The following RIMS1 variants were observed in gnomAD, a reference collection of about 807,000 sequenced individuals.
RIMS1 encodes regulating synaptic membrane exocytosis 1, also known as regulating synaptic membrane exocytosis protein 1.
A neutral mutation model predicts 214.1 loss-of-function variants in RIMS1; 83 were observed. That is an observed-to-expected ratio of 0.39 (90% CI 0.32 to 0.47). RIMS1 has a LOEUF of 0.47. Among genes scored for constraint, RIMS1 ranks in the 20% least tolerant of loss-of-function variants. RIMS1 has a pLI of 0.99. For missense variants in RIMS1, 2,050 were observed against 2,161.8 expected (o/e 0.95, Z 1.03); for synonymous variants, 793 against 786.8 (o/e 1.01, Z -0.13).
intron 2 of RIMS1, among the ~76,000 whole-genome samples, chr6:71,975,690 C>T (rs1796945477): frequency 6.6e-6 from 1 of 152,092 alleles, no homozygotes; most frequent in Non-Finnish European, 1.5e-5. Context: ...GTTTTCATCA[C>T]CCTGAAAAAG....
intron 29 of RIMS1, among the ~76,000 whole-genome samples, chr6:72,369,561 C>T (rs905240278): frequency 1.3e-5 from 2 of 152,216 alleles, no homozygotes; most frequent in African/African-American, 4.8e-5. Context: ...AGATTTTCTT[C>T]TGTCAGGGAA....
chr6:72,196,260 A>G (rs1382128856), intron 6 of RIMS1, among the ~76,000 whole-genome samples: 1 of 152,000 alleles, frequency 6.6e-6, no homozygotes, highest in African/African-American at 2.4e-5. Flanking sequence ...TTATTTAATA[A>G]ATATCTAAAA....
In RIMS1 at chr6:72,228,093, C is replaced by T. The variant is rs141881031; in HGVS notation, c.1679-5680C>T. On this transcript the variant is annotated intron_variant, in intron 6 of 33. Transcript: ENST00000521978. ...CATAAAACTAGCACCACATTCTGTGCCATAAACATATCCGTCACCTCCAAA... is the reference window on the plus strand; with the variant it reads ...CATAAAACTAGCACCACATTCTGTGTCATAAACATATCCGTCACCTCCAAA... 6.6e-3 allele frequency among the ~76,000 whole-genome samples: 1,003 copies of T among 151,978 alleles called. 9 individuals carry two copies. Among genetic ancestry groups the T allele is most frequent in the African/African-American group, 0.022 (907 of 41,528 alleles).
At chr6:72,003,464 G>C (rs1806072767) in intron 2 of RIMS1, among the ~76,000 whole-genome samples, 2 of 151,904 alleles carry the variant, frequency 1.3e-5, no homozygotes, top group African/African-American at 4.8e-5. Context: ...AATGACAGTT[G>C]AGCCATCTTC....
chr6:72,010,925 T>C (rs1279514903), intron 2 of RIMS1, among the ~76,000 whole-genome samples: 1 of 151,928 alleles, frequency 6.6e-6, no homozygotes, highest in Non-Finnish European at 1.5e-5. Flanking sequence ...ATAGATTCAA[T>C]GCCATCCCCA....
intron 29 of RIMS1, among the ~76,000 whole-genome samples, chr6:72,349,724 T>C (rs2097378837): frequency 6.6e-6 from 1 of 151,996 alleles, no homozygotes; most frequent in Non-Finnish European, 1.5e-5. Flanking sequence ...CAAAACAAAG[T>C]TAATCATCTT....
intron 1 of RIMS1, among the ~76,000 whole-genome samples, chr6:71,896,319 A>G (rs543874496): frequency 9.2e-5 from 14 of 152,320 alleles, no homozygotes; most frequent in African/African-American, 3.4e-4. Flanking sequence ...CACCTAATAT[A>G]TAGCAACCTG....
At chr6:72,213,647 A>G (rs2054392678) in intron 6 of RIMS1, among the ~76,000 whole-genome samples, 1 of 152,174 alleles carries the variant, frequency 6.6e-6, no homozygotes, top group South Asian at 2.1e-4. Flanking sequence ...GACAAATTGC[A>G]GTAATCATTA....
intron 1 of RIMS1, among the ~76,000 whole-genome samples, chr6:71,925,285 A>C (rs1190854308): frequency 6.6e-6 from 1 of 152,178 alleles, no homozygotes; most frequent in African/African-American, 2.4e-5. Flanking sequence ...CCCTAGCTGC[A>C]ATATAGTGAA....
chr6:72,356,263 G>A (rs1296370907), intron 29 of RIMS1, among the ~76,000 whole-genome samples: 2 of 151,678 alleles, frequency 1.3e-5, no homozygotes, highest in Admixed American at 1.3e-4. Flanking sequence ...AAATTCTATG[G>A]CTTGCTTTTT....
chr6:72,261,848 G>A lies in RIMS1; in HGVS notation c.3116+1081G>A, dbSNP rs1044210467. 53 of 985,090 alleles carry A rather than the reference G, an allele frequency of 5.4e-5. No individual in the cohort carries two copies. In the African/African-American group the frequency reaches 7.5e-4, roughly 14 times the overall value. 61.0% of individuals were successfully genotyped at this position (985,090 alleles called of 1,614,324 possible). On this transcript the variant is annotated intron_variant, in intron 19 of 33. Transcript: ENST00000521978. ...GCTTGGAGTGCCACAGGAAAAAATC[G>A]AGGAAATATTAGTTCTGCTTGCTGA...
chr6:72,213,361 A>C lies in RIMS1; in HGVS notation c.1679-20412A>C, dbSNP rs186033792. On this transcript the variant is annotated intron_variant, in intron 6 of 33. Coordinates refer to ENST00000521978, the MANE Select transcript of RIMS1 (RefSeq NM_014989.7). ...GTCAGGTGCACAGTGTTCTTAATTG[A>C]ATAAAGTTTCCAGTTACCAACTTTA... 1.2e-5 allele frequency: 9 copies of C among 751,468 alleles called. No homozygotes were observed. The East Asian group carries it at 2.0e-4, about 17-fold the overall frequency. 46.6% of individuals were successfully genotyped at this position (751,468 alleles called of 1,614,324 possible).
chr6:72,261,264 C>T, intron 19 of RIMS1: 1 of 1,000,782 alleles, frequency 1.0e-6, no homozygotes, highest in Non-Finnish European at 1.2e-6. Flanking sequence ...CTTTTAATGG[C>T]TGAGCTTCAG....
chr6:72,373,710 A>C (rs758716156), intron 29 of RIMS1, among the ~76,000 whole-genome samples: 2 of 152,160 alleles, frequency 1.3e-5, no homozygotes, highest in Non-Finnish European at 2.9e-5. Flanking sequence ...TCTCCCACAG[A>C]ATCATTAAAT....
chr6:72,134,375 A>G (rs2040930423), intron 4 of RIMS1, among the ~76,000 whole-genome samples: 1 of 151,998 alleles, frequency 6.6e-6, no homozygotes, highest in Non-Finnish European at 1.5e-5. Context: ...ACAGCTTTAT[A>G]TCTTTATTCT....
intron 2 of RIMS1, among the ~76,000 whole-genome samples, chr6:72,075,886 T>TC: frequency 6.6e-6 from 1 of 152,188 alleles, no homozygotes. Context: ...ATAGAATTCT[T>TC]CCATGAAGGC....
chr6:72,333,393 T>C (rs926685683), intron 28 of RIMS1, among the ~76,000 whole-genome samples: 1 of 151,902 alleles, frequency 6.6e-6, no homozygotes, highest in South Asian at 2.1e-4. Flanking sequence ...CATGTTGAAA[T>C]GGCATTGTTT....
At chr6:72,014,558 G>A (rs532393108) in intron 2 of RIMS1, among the ~76,000 whole-genome samples, 5 of 152,276 alleles carry the variant, frequency 3.3e-5, no homozygotes, top group African/African-American at 9.6e-5. Context: ...CATAAATAAT[G>A]TTGCTATGAA....
intron 24 of RIMS1, among the ~76,000 whole-genome samples, chr6:72,288,932 C>T (rs1412714946): frequency 6.6e-6 from 1 of 152,156 alleles, no homozygotes; most frequent in African/African-American, 2.4e-5. Context: ...ACATTACAGG[C>T]TATTTTCAGA....
Sources: allele counts gnomAD v4.1 joint callset (sites outside exome capture counted in the v4.1 genomes callset), GRCh38; gene constraint gnomAD v4.1.1; transcripts MANE v1.5; gene names NCBI Gene and HGNC (gene_info 2026-07-23, HGNC 2026-07-21).